The following FRMD4B variants were observed in gnomAD, a reference collection of about 807,000 sequenced individuals.
FRMD4B encodes the protein FERM domain containing 4B, also known as FERM domain-containing protein 4B.
A neutral mutation model predicts 141.5 loss-of-function variants in FRMD4B; 74 were observed. The ratio of observed to expected loss-of-function variants is 0.52; its 90% confidence interval spans 0.43 to 0.63. The LOEUF is 0.63. Among genes scored for constraint, FRMD4B ranks in the 30% least tolerant of loss-of-function variants. The pLI is 0.00. For synonymous variants in FRMD4B, 506 were observed against 467.9 expected (o/e 1.08, Z -1.05); for missense variants, 1,366 against 1,253.4 (o/e 1.09, Z -1.36).
At chr3:69,172,022 T>A (rs1245243783) in intron 22 of FRMD4B, 41 bp from the exon 23 acceptor site, 1 of 1,602,934 alleles carries the variant, frequency 6.2e-7, no homozygotes. Flanking sequence ...TGTGGCCATA[T>A]TTTTGTCCCC....
intron 5 of FRMD4B, among the ~76,000 whole-genome samples, chr3:69,261,511 C>T (rs532170362): frequency 1.3e-5 from 2 of 152,236 alleles, no homozygotes; most frequent in African/African-American, 4.8e-5. Context: ...GTAAAATTGT[C>T]TCCAAGTAAT....
intron 1 of FRMD4B, among the ~76,000 whole-genome samples, chr3:69,440,985 C>CT (rs1040835260): frequency 6.6e-6 from 1 of 152,080 alleles, no homozygotes; most frequent in Non-Finnish European, 1.5e-5. Context: ...TTACAATAAC[C>CT]TTTTTTTCCT....
At position 69,282,438 on chromosome 3, in the gene FRMD4B, A is replaced by T. The variant is rs548638265; in HGVS notation, c.501+5314T>A. ...AGTGACTCACTTTTGCCAATCAATA[A>T]ATCCACCTACGAGTGTTCTACAGCT... On this transcript the variant is annotated intron_variant, in intron 5 of 22. Transcript: ENST00000398540. Among the ~76,000 whole-genome samples the T allele has an allele frequency of 3.1e-4, 47 of 152,192 alleles. No individual in the cohort carries two copies. In the South Asian group the frequency reaches 8.5e-3, roughly 28 times the overall value.
At chr3:69,316,510 A>G (rs572902393) in intron 1 of FRMD4B, among the ~76,000 whole-genome samples, 1 of 152,290 alleles carries the variant, frequency 6.6e-6, no homozygotes, top group Non-Finnish European at 1.5e-5. Context: ...TAAAAAAAAA[A>G]AAAAGTCATC....
intron 2 of FRMD4B, among the ~76,000 whole-genome samples, chr3:69,430,311 G>C (rs1315851275): frequency 6.6e-6 from 1 of 152,118 alleles, no homozygotes; most frequent in Admixed American, 6.5e-5. Flanking sequence ...ACTGCCACAA[G>C]AGGCCCTTTC....
At chr3:69,354,856 A>T (rs1293791424) in intron 1 of FRMD4B, among the ~76,000 whole-genome samples, 4 of 152,198 alleles carry the variant, frequency 2.6e-5, no homozygotes, top group African/African-American at 4.8e-5. Context: ...GTTTGGATGC[A>T]AATAGAAGTC....
chr3:69,374,710 A>G (rs1275390672), intron 1 of FRMD4B, among the ~76,000 whole-genome samples: 1 of 152,238 alleles, frequency 6.6e-6, no homozygotes, highest in Non-Finnish European at 1.5e-5. Flanking sequence ...CTTTTCTAGT[A>G]TAAACCAGAC....
Position 69,181,052 on chromosome 3 carries a change from G to A in FRMD4B, c.2698C>T (p.Arg900Cys), listed in dbSNP as rs376555402. 44 of 1,613,856 alleles carry A rather than the reference G, an allele frequency of 2.7e-5. No individual in the cohort carries two copies. Among genetic ancestry groups the A allele is most frequent in the Middle Eastern group, 3.3e-4 (2 of 6,084 alleles). ...IHKALVAEHL[R>C]GWYQRASGQK... ...CCAGAGGCCCGCTGGTACCAGCCAC[G>A]CAAGTGCTCGGCAACTAAGGCCTTG... The change falls in exon 21 of 23, where the codon CGT becomes TGT. Residue 900 changes from arginine (R) to cysteine (C), a missense_variant. By Grantham distance (180) the Arg-to-Cys change is radical. Transcript: ENST00000398540.
chr3:69,526,722 C>T (rs990418182), intron 1 of FRMD4B, among the ~76,000 whole-genome samples: 3 of 152,050 alleles, frequency 2.0e-5, no homozygotes, highest in African/African-American at 7.2e-5. Flanking sequence ...AACACTGTCC[C>T]GAGAACATAA....
At chr3:69,503,737 C>G (rs1302268792) in intron 1 of FRMD4B, among the ~76,000 whole-genome samples, 1 of 152,174 alleles carries the variant, frequency 6.6e-6, no homozygotes, top group Non-Finnish European at 1.5e-5. Flanking sequence ...CCCCATCATG[C>G]ATGCTTCCAT....
intron 2 of FRMD4B, among the ~76,000 whole-genome samples, chr3:69,313,192 C>G (rs1433072808): frequency 1.3e-5 from 2 of 152,186 alleles, no homozygotes; most frequent in African/African-American, 4.8e-5. Context: ...AAGTGTCAAG[C>G]TGAGACTGGA....
At position 69,170,294 on chromosome 3, in the gene FRMD4B, C is replaced by T. The variant is rs1258694870; in HGVS notation, c.*1567G>A. On this transcript the variant is annotated 3_prime_UTR_variant, in exon 23 of 23. Coordinates refer to ENST00000398540, the MANE Select transcript of FRMD4B (RefSeq NM_015123.3). Reference sequence around the variant, plus strand: ...AGTAGCACACCTTTTGTTTATTGACCTATGTAAAAAAATAATAGGTCTTGA... The same window carrying T: ...AGTAGCACACCTTTTGTTTATTGACTTATGTAAAAAAATAATAGGTCTTGA... The T allele has an allele frequency of 6.6e-6, 1 of 151,788 alleles. No individual in the cohort carries two copies. Among genetic ancestry groups the T allele is most frequent in the East Asian group, 1.9e-4 (1 of 5,180 alleles). 9.4% of individuals were successfully genotyped at this position (151,788 alleles called of 1,614,324 possible).
At chr3:69,334,689 T>G (rs1702486281) in intron 1 of FRMD4B, among the ~76,000 whole-genome samples, 1 of 152,130 alleles carries the variant, frequency 6.6e-6, no homozygotes, top group Non-Finnish European at 1.5e-5. Context: ...AATAGGTGAT[T>G]TGAAGTCTGA....
chr3:69,193,592 A>C, intron 17 of FRMD4B, 56 bp downstream of exon 17: 1 of 918,322 alleles, frequency 1.1e-6, no homozygotes. Flanking sequence ...GAAATGCTAT[A>C]TACCATGAAG....
At chr3:69,223,576 C>T (rs1257497280) in intron 8 of FRMD4B, among the ~76,000 whole-genome samples, 1 of 152,080 alleles carries the variant, frequency 6.6e-6, no homozygotes, top group Non-Finnish European at 1.5e-5. Flanking sequence ...CGGTGGCTCA[C>T]ACCTGTAATC....
intron 5 of FRMD4B, among the ~76,000 whole-genome samples, chr3:69,260,133 G>C (rs891024354): frequency 6.6e-6 from 1 of 151,986 alleles, no homozygotes; most frequent in Non-Finnish European, 1.5e-5. Flanking sequence ...GCTCGCTCTC[G>C]GTGCCTCCTT....
At chr3:69,429,149 T>G (rs1296745194) in intron 2 of FRMD4B, among the ~76,000 whole-genome samples, 1 of 152,218 alleles carries the variant, frequency 6.6e-6, no homozygotes, top group Non-Finnish European at 1.5e-5. Flanking sequence ...ATTTATCCAC[T>G]TCTCTCCTAT....
chr3:69,461,424 T>A (rs1380631557), intron 1 of FRMD4B, among the ~76,000 whole-genome samples: 1 of 150,712 alleles, frequency 6.6e-6, no homozygotes, highest in Admixed American at 6.6e-5. Context: ...TAAATAAAAA[T>A]AACCAGGCTG....
intron 11 of FRMD4B, among the ~76,000 whole-genome samples, chr3:69,210,629 T>A (rs2093066472): frequency 6.6e-6 from 1 of 152,168 alleles, no homozygotes; most frequent in Non-Finnish European, 1.5e-5. Flanking sequence ...GGATTAAAAA[T>A]TTTTCCTTTA....
Sources: allele counts gnomAD v4.1 joint callset (sites outside exome capture counted in the v4.1 genomes callset), GRCh38; gene constraint gnomAD v4.1.1; transcripts MANE v1.5; gene names NCBI Gene and HGNC (gene_info 2026-07-23, HGNC 2026-07-21).